The following GSG1L variants were observed in gnomAD, a reference collection of about 807,000 sequenced individuals.
The protein encoded by GSG1L is germ cell-specific gene 1-like protein.
Under a neutral mutation model 42.1 loss-of-function variants are expected in GSG1L, and 24 were observed. The ratio of observed to expected loss-of-function variants is 0.57; its 90% CI spans 0.41 to 0.80. GSG1L has a LOEUF of 0.80. GSG1L is among the 30% of genes least tolerant of loss of function. The pLI is 0.00. For synonymous variants in GSG1L, 215 were observed against 203.5 expected (o/e 1.06, Z -0.48); for missense variants, 445 against 472.2 (o/e 0.94, Z 0.53).
At chr16:27,793,583 A>G (rs1053148864) in intron 6 of GSG1L, among the ~76,000 whole-genome samples, 1 of 152,208 alleles carries the variant, frequency 6.6e-6, no homozygotes, top group Non-Finnish European at 1.5e-5. Flanking sequence ...AGCTGCTTGT[A>G]CAGTGGCTGA....
intron 3 of GSG1L, among the ~76,000 whole-genome samples, chr16:27,874,250 G>C (rs753090010): frequency 6.6e-6 from 1 of 152,044 alleles, no homozygotes. Flanking sequence ...CAAAATGGGG[G>C]CTGCGGGAGG....
chr16:28,009,014 G>A (rs2085680341), intron 1 of GSG1L, among the ~76,000 whole-genome samples: 2 of 152,102 alleles, frequency 1.3e-5, no homozygotes, highest in African/African-American at 4.8e-5. Flanking sequence ...TCGTCATGTT[G>A]GCCAGTCTGG....
intron 1 of GSG1L, among the ~76,000 whole-genome samples, chr16:28,013,068 C>CA (rs2085741200): frequency 6.6e-6 from 1 of 151,244 alleles, no homozygotes; most frequent in South Asian, 2.1e-4. Flanking sequence ...CTACTAAATA[C>CA]AAAAAATTAG....
At chr16:27,988,325 T>TTTTTTTTTTTTTTTTTTTTTTTTGAG (rs1567546224) in intron 1 of GSG1L, among the ~76,000 whole-genome samples, 2 of 151,956 alleles carry the variant, frequency 1.3e-5, no homozygotes, top group African/African-American at 4.8e-5. Flanking sequence ...GAAACAATTC[T>TTTTTTTTTTTTTTTTTTTTTTTTGAG]ATATACAGAG....
chr16:27,799,224 C>A (rs2082854308), intron 6 of GSG1L, among the ~76,000 whole-genome samples: 1 of 147,628 alleles, frequency 6.8e-6, no homozygotes. Context: ...GGCAAGACCC[C>A]ATATCTACCA....
chr16:27,866,604 C>T (rs1386732290), intron 3 of GSG1L, among the ~76,000 whole-genome samples: 1 of 152,090 alleles, frequency 6.6e-6, no homozygotes, highest in Non-Finnish European at 1.5e-5. Flanking sequence ...CAGAGTCTTG[C>T]TCAGTCACCT....
chr16:28,008,022 A>G (rs1276596258), intron 1 of GSG1L, among the ~76,000 whole-genome samples: 6 of 152,208 alleles, frequency 3.9e-5, no homozygotes, highest in Non-Finnish European at 7.3e-5. Context: ...TCTTCTGTCC[A>G]GCCCATCGCC....
intron 2 of GSG1L, among the ~76,000 whole-genome samples, chr16:27,952,241 G>A (rs746168035): frequency 6.6e-6 from 1 of 152,172 alleles, no homozygotes; most frequent in Non-Finnish European, 1.5e-5. Context: ...GTACAGCCCC[G>A]TCGGGCACAC....
At chr16:28,032,279 A>C (rs1401088750) in intron 1 of GSG1L, among the ~76,000 whole-genome samples, 2 of 152,224 alleles carry the variant, frequency 1.3e-5, no homozygotes, top group African/African-American at 2.4e-5. Context: ...ACAAGTAAGA[A>C]AGCCTCTAGG....
intron 2 of GSG1L, among the ~76,000 whole-genome samples, chr16:27,888,405 T>C (rs1017737836): frequency 8.9e-4 from 9 of 10,130 alleles, no homozygotes; most frequent in South Asian, 0.015. Context: ...TTTCTCCTTC[T>C]TTCTTTCTTT....
chr16:27,802,433 T>A (rs544204500), intron 6 of GSG1L, among the ~76,000 whole-genome samples: 31 of 152,042 alleles, frequency 2.0e-4, no homozygotes, highest in Non-Finnish European at 3.8e-4. Flanking sequence ...TCCCAGCAAC[T>A]CCGCTATCCC....
intron 4 of GSG1L, among the ~76,000 whole-genome samples, chr16:27,835,452 C>T (rs766126634): frequency 2.6e-5 from 4 of 152,230 alleles, no homozygotes; most frequent in Non-Finnish European, 4.4e-5. Context: ...TAAATCCACT[C>T]GGCCAATTTC....
At chr16:27,978,400 C>T (rs939807424) in intron 1 of GSG1L, among the ~76,000 whole-genome samples, 4 of 152,248 alleles carry the variant, frequency 2.6e-5, no homozygotes, top group Admixed American at 2.0e-4. Flanking sequence ...AATTCAAATC[C>T]CCACTGTGCC....
At chr16:27,964,723 T>C (rs1216908958) in intron 1 of GSG1L, among the ~76,000 whole-genome samples, 1 of 152,078 alleles carries the variant, frequency 6.6e-6, no homozygotes, top group East Asian at 1.9e-4. Context: ...AAAAAACAAA[T>C]AAATTGAATT....
At chr16:27,923,068 G>A (rs1004648416) in intron 2 of GSG1L, among the ~76,000 whole-genome samples, 6 of 152,200 alleles carry the variant, frequency 3.9e-5, no homozygotes, top group African/African-American at 4.8e-5. Flanking sequence ...GATTACAGGC[G>A]TAAGCCACCA....
intron 4 of GSG1L, among the ~76,000 whole-genome samples, chr16:27,835,548 C>A (rs763206119): frequency 3.5e-4 from 53 of 151,504 alleles, no homozygotes; most frequent in Non-Finnish European, 6.0e-4. Flanking sequence ...TAATTTTGTT[C>A]TTTCCTGCTT....
chr16:27,953,177 C>A (rs534035525), intron 2 of GSG1L, among the ~76,000 whole-genome samples: 3 of 152,274 alleles, frequency 2.0e-5, no homozygotes, highest in African/African-American at 7.2e-5. Context: ...GCAACCTCTA[C>A]CTCCTGGGCT....
intron 1 of GSG1L, among the ~76,000 whole-genome samples, chr16:27,970,834 T>C (rs1284254367): frequency 1.3e-5 from 2 of 152,164 alleles, no homozygotes; most frequent in African/African-American, 2.4e-5. Context: ...TTTATGTGTA[T>C]GGTGTATAAA....
Position 28,032,991 on chromosome 16 carries a change from C to T in GSG1L, c.349+30085G>A, listed in dbSNP as rs118075574. 4.7e-4 allele frequency among the ~76,000 whole-genome samples: 72 copies of T among 152,312 alleles called. 1 individual carries two copies. In the East Asian group the frequency reaches 0.013, roughly 27 times the overall value. On this transcript the variant is annotated intron_variant, in intron 1 of 6. Coordinates refer to ENST00000447459, the MANE Select transcript of GSG1L (RefSeq NM_001109763.2). ...ACGTCCTGTCACCTTCCTGCTTAAA[C>T]GCCCTCAAAGGCACCCCAGTGTATT...
Sources: gnomAD v4.1 joint callset for allele counts (sites outside exome capture counted in the v4.1 genomes callset) on GRCh38, gnomAD v4.1.1 for gene constraint, MANE v1.5 for transcripts, NCBI Gene and HGNC (gene_info 2026-07-23, HGNC 2026-07-21) for gene names.